The following EIPR1 variants were observed in gnomAD, a reference collection of about 807,000 sequenced individuals.
EIPR1 encodes the protein EARP and GARP complex-interacting protein 1.
In EIPR1, 25 loss-of-function variants were observed where a neutral mutation model predicts 48.1. The ratio of observed to expected loss-of-function variants is 0.52; its 90% CI spans 0.38 to 0.73. The LOEUF (loss-of-function observed/expected upper bound fraction) is 0.73, where lower values mean the gene tolerates loss of function less well. EIPR1 is among the 30% of genes least tolerant of loss of function. The pLI, the probability that EIPR1 is intolerant of heterozygous loss-of-function variation, is 0.00. For synonymous variants in EIPR1, 204 were observed against 201.9 expected, an observed-to-expected ratio of 1.01 and a Z score of -0.09; for missense variants, 415 against 506.2, an observed-to-expected ratio of 0.82 and a Z score of 1.73.
In EIPR1 at chr2:3,377,632, C is replaced by A. The variant is rs1177258472; in HGVS notation, c.42+16G>T. ...AGCCAGGCCGAGCAGCACCTGCCGC[C>A]CTCCCAGTGACCCACCTGGAACTCC... On this transcript the variant is annotated intron_variant, in intron 1 of 8. Coordinates refer to ENST00000382125, the MANE Select transcript of EIPR1 (RefSeq NM_003310.5). The A allele has an allele frequency of 2.6e-6, 4 of 1,567,408 alleles. No individual in the cohort carries two copies. In the East Asian group the frequency reaches 9.5e-5, roughly 37 times the overall value.
intron 4 of EIPR1, among the ~76,000 whole-genome samples, chr2:3,253,579 A>T (rs551137454): frequency 2.0e-5 from 3 of 152,146 alleles, no homozygotes; most frequent in Non-Finnish European, 4.4e-5. Flanking sequence ...GCTCCCGAGG[A>T]GTGGGTGAGG....
At position 3,372,608 on chromosome 2, in the gene EIPR1, G is replaced by A. The variant is rs528783893; in HGVS notation, c.42+5040C>T. ...CAGAGAATACTACCAACACCTCTAC[G>A]CAAATAAACTAGAAAATCTAGAAGA... On this transcript the variant is annotated intron_variant, in intron 1 of 8. Transcript: ENST00000382125. Among the ~76,000 whole-genome samples the A allele has an allele frequency of 3.6e-3, 550 of 152,242 alleles. 3 individuals are homozygous for A. The highest frequency in any genetic ancestry group is 9.4e-3 in the South Asian group (45 of 4,812).
chr2:3,244,073 G>A (rs750917326), intron 4 of EIPR1, among the ~76,000 whole-genome samples: 3 of 152,228 alleles, frequency 2.0e-5, no homozygotes, highest in Non-Finnish European at 4.4e-5. Context: ...CTCCCTCACT[G>A]CAGAGCTCCT....
intron 3 of EIPR1, among the ~76,000 whole-genome samples, chr2:3,264,484 G>A (rs2694092): frequency 0.63 from 96,115 of 152,032 alleles, 30,654 homozygotes; most frequent in East Asian, 0.8. Context: ...TCCTGTGTAC[G>A]GCAAATAAGG....
chr2:3,266,968 C>T (rs1250702518), intron 3 of EIPR1, among the ~76,000 whole-genome samples: 1 of 152,212 alleles, frequency 6.6e-6, no homozygotes, highest in Non-Finnish European at 1.5e-5. Context: ...GAACCCAGGT[C>T]CCCTTGGGGA....
At position 3,346,072 on chromosome 2, in the gene EIPR1, G is replaced by A. The variant is rs538694322; in HGVS notation, c.127-7923C>T. Among the ~76,000 whole-genome samples, 9 of 152,308 alleles carry A rather than the reference G, an allele frequency of 5.9e-5. No individual in the cohort carries two copies. In the South Asian group the frequency reaches 1.2e-3, roughly 21 times the overall value. ...TTCTCCCAGCATGTTTTGTTCATCC[G>A]AAGTAGTGACAGACACCCTGCCCAC... On this transcript the variant is annotated intron_variant, in intron 2 of 8. Transcript: ENST00000382125.
At chr2:3,318,070 A>T (rs561943263) in intron 3 of EIPR1, among the ~76,000 whole-genome samples, 1 of 152,346 alleles carries the variant, frequency 6.6e-6, no homozygotes, top group East Asian at 1.9e-4. Flanking sequence ...GCTGGGTCCC[A>T]GGCGCACAGC....
intron 3 of EIPR1, among the ~76,000 whole-genome samples, chr2:3,317,081 C>T (rs982523039): frequency 4.9e-4 from 46 of 93,402 alleles, no homozygotes; most frequent in African/African-American, 1.7e-3. Context: ...GAGCGCATGA[C>T]GCACTGACCG....
chr2:3,235,177 C>T (rs1365678687), intron 4 of EIPR1, among the ~76,000 whole-genome samples: 1 of 152,210 alleles, frequency 6.6e-6, no homozygotes, highest in East Asian at 1.9e-4. Flanking sequence ...TGGCTGCTTA[C>T]CTGTTATTCA....
intron 3 of EIPR1, among the ~76,000 whole-genome samples, chr2:3,274,674 T>A (rs367815640): frequency 6.6e-6 from 1 of 151,386 alleles, no homozygotes; most frequent in East Asian, 1.9e-4. Context: ...ATGGCAAAAA[T>A]CTAGAAAACA....
intron 3 of EIPR1, among the ~76,000 whole-genome samples, chr2:3,299,723 G>A (rs570842701): frequency 6.6e-6 from 1 of 151,818 alleles, no homozygotes; most frequent in South Asian, 2.1e-4. Flanking sequence ...AATCACGGAA[G>A]ACAGACAACC....
intron 5 of EIPR1, among the ~76,000 whole-genome samples, chr2:3,212,164 A>C (rs1227600712): frequency 6.6e-6 from 1 of 152,244 alleles, no homozygotes; most frequent in African/African-American, 2.4e-5. Flanking sequence ...AACTGCTGAC[A>C]GTGGATAAAA....
intron 5 of EIPR1, among the ~76,000 whole-genome samples, chr2:3,213,290 A>G (rs1299116201): frequency 1.3e-5 from 2 of 152,230 alleles, no homozygotes; most frequent in African/African-American, 2.4e-5. Flanking sequence ...AACAAACGCA[A>G]TGAAATTATG....
chr2:3,197,357 G>A (rs893494851), intron 5 of EIPR1, among the ~76,000 whole-genome samples: 2 of 152,230 alleles, frequency 1.3e-5, no homozygotes, highest in Non-Finnish European at 2.9e-5. Flanking sequence ...CAAAGAAAGC[G>A]ACAAAACAAG....
intron 4 of EIPR1, among the ~76,000 whole-genome samples, chr2:3,231,185 G>C (rs962840976): frequency 6.6e-6 from 1 of 152,122 alleles, no homozygotes; most frequent in Admixed American, 6.5e-5. Context: ...ACTGATTCTT[G>C]TATGCAGATT....
chr2:3,228,479 G>A (rs1052438266), intron 4 of EIPR1, among the ~76,000 whole-genome samples: 2 of 152,248 alleles, frequency 1.3e-5, no homozygotes, highest in South Asian at 4.1e-4. Flanking sequence ...GACTTGCCTT[G>A]TCTCAGATGA....
At position 3,280,252 on chromosome 2, in the gene EIPR1, G is replaced by A. The variant is rs780310720; in HGVS notation, c.260-22797C>T. On this transcript the variant is annotated intron_variant, in intron 3 of 8. Coordinates refer to ENST00000382125, the MANE Select transcript of EIPR1 (RefSeq NM_003310.5). ...GGAGCCTCACAGGTTGCAAAGCACC[G>A]TGGTGGTTACCCACAGCTACAGACA... 3.7e-4 allele frequency among the ~76,000 whole-genome samples: 56 copies of A among 152,308 alleles called. 1 individual carries two copies. The highest frequency in any genetic ancestry group is 1.4e-3 in the South Asian group (7 of 4,828).
chr2:3,208,803 C>A lies in EIPR1; in HGVS notation c.516+5346G>T. 1.3e-6 allele frequency: 2 copies of A among 1,550,016 alleles called. 1 individual carries two copies. Among genetic ancestry groups the A allele is most frequent in the South Asian group, 2.4e-5 (2 of 84,028 alleles). On this transcript the variant is annotated intron_variant, in intron 5 of 8. Coordinates refer to ENST00000382125, the MANE Select transcript of EIPR1 (RefSeq NM_003310.5). The stretch of plus-strand genomic sequence containing the variant: ...TTGAGTGAGGCTCGTGGCAGGTCCT[C>A]CTTCTGTGAGTGAGGCCCGTGGCAG...
At chr2:3,212,776 TGA>T (rs1665502297) in intron 5 of EIPR1, among the ~76,000 whole-genome samples, 1 of 152,206 alleles carries the variant, frequency 6.6e-6, no homozygotes, top group African/African-American at 2.4e-5. Context: ...AAAGTTTGTG[TGA>T]AACTTGCATT....
Sources: gnomAD v4.1 joint callset for allele counts (sites outside exome capture counted in the v4.1 genomes callset) on GRCh38, gnomAD v4.1.1 for gene constraint, MANE v1.5 for transcripts, NCBI Gene and HGNC (gene_info 2026-07-23, HGNC 2026-07-21) for gene names.